The following MBNL2 variants were observed in gnomAD, a reference collection of about 807,000 sequenced individuals.
MBNL2 encodes the protein muscleblind-like protein 2.
A neutral mutation model predicts 41.9 loss-of-function variants in MBNL2; 17 were observed. The ratio of observed to expected loss-of-function variants is 0.41; its 90% CI spans 0.28 to 0.61. MBNL2 has a LOEUF of 0.61. Among genes scored for constraint, MBNL2 ranks in the 20% least tolerant of loss-of-function variants. MBNL2 has a pLI of 0.35. For synonymous variants in MBNL2, 195 were observed against 182.9 expected, an observed-to-expected ratio of 1.07 and a Z score of -0.53; for missense variants, 336 against 505.6, an observed-to-expected ratio of 0.66 and a Z score of 3.22.
chr13:97,276,107 A>C lies in MBNL2; in HGVS notation c.-129A>C. ...CATCCTGTTCCTTGGATTGGACTTC[A>C]CTAAGCAATTTATCACTCACCTTCA... On this transcript the variant is annotated 5_prime_UTR_variant, in exon 2 of 9. Transcript: ENST00000679496. 1 of 689,178 alleles carries C rather than the reference A, an allele frequency of 1.5e-6. No individual in the cohort carries two copies. The highest frequency in any genetic ancestry group is 2.6e-5 in the East Asian group (1 of 37,894). 42.7% of individuals were successfully genotyped at this position (689,178 alleles called of 1,614,324 possible). A position where few individuals can be genotyped will look rare whatever the true frequency, so the allele number is the denominator to read the frequency against.
rs576690398 is a variant in MBNL2, at chr13:97,245,467, C to T, written c.-605+22936C>T. Among the ~76,000 whole-genome samples, 7 of 152,164 alleles carry T rather than the reference C, an allele frequency of 4.6e-5. No homozygotes were observed. In the East Asian group the frequency reaches 5.8e-4, roughly 13 times the overall value. ...AAAGTCATCCCCCGTCTTCTCCCTA[C>T]GAAAGCGTAATAACTTTTATGTTGC... On this transcript the variant is annotated intron_variant, in intron 1 of 8. Coordinates refer to ENST00000679496, the MANE Select transcript of MBNL2 (RefSeq NM_001382683.1).
chr13:97,391,178 T>G (rs2066375932), intron 8 of MBNL2, 144 bp from the exon 9 acceptor site: 2 of 596,842 alleles, frequency 3.4e-6, no homozygotes, highest in African/African-American at 3.8e-5. Flanking sequence ...GCGGGTATTG[T>G]GCAAATTTAT....
At chr13:97,299,189 GTTTT>G (rs914472824) in intron 2 of MBNL2, among the ~76,000 whole-genome samples, 1 of 151,920 alleles carries the variant, frequency 6.6e-6, no homozygotes, top group African/African-American at 2.4e-5. Context: ...CACTTTTCTA[GTTTT>G]TTTTAACATT....
chr13:97,364,053 T>G (rs2063650057), intron 7 of MBNL2, among the ~76,000 whole-genome samples: 1 of 152,220 alleles, frequency 6.6e-6, no homozygotes, highest in East Asian at 1.9e-4. Flanking sequence ...ACCTTGTTTT[T>G]CATGGAACTG....
intron 2 of MBNL2, among the ~76,000 whole-genome samples, chr13:97,279,353 C>A (rs2052871754): frequency 6.6e-6 from 1 of 152,196 alleles, no homozygotes; most frequent in Non-Finnish European, 1.5e-5. Context: ...ATAATTCCTA[C>A]TTCATAAGGT....
chr13:97,161,153 G>T, the MBNL2 span, among the ~76,000 whole-genome samples: 87 of 152,258 alleles, frequency 5.7e-4, 1 homozygote, highest in Admixed American at 1.8e-3. Flanking sequence ...AAAAGCACTG[G>T]TTTGGATGTT....
chr13:97,305,905 G>A (rs554032029), intron 2 of MBNL2, among the ~76,000 whole-genome samples: 8 of 152,246 alleles, frequency 5.3e-5, no homozygotes, highest in Admixed American at 2.6e-4. Context: ...TAAGAGGAGC[G>A]GAACAGGGAG....
intron 2 of MBNL2, among the ~76,000 whole-genome samples, chr13:97,287,212 C>A (rs2054648789): frequency 6.6e-6 from 1 of 152,160 alleles, no homozygotes; most frequent in Non-Finnish European, 1.5e-5. Context: ...GAGACTTGCT[C>A]ACAGGTGTCA....
chr13:97,142,489 T>A, the MBNL2 span, among the ~76,000 whole-genome samples: 1 of 152,264 alleles, frequency 6.6e-6, no homozygotes, highest in Non-Finnish European at 1.5e-5. Context: ...TCTTAGGTCT[T>A]AGTTCATCAA....
the MBNL2 span, among the ~76,000 whole-genome samples, chr13:97,183,780 A>G: frequency 5.9e-5 from 9 of 152,198 alleles, no homozygotes; most frequent in Non-Finnish European, 7.3e-5. Flanking sequence ...TCTGATATTA[A>G]TAAAAGGGAG....
the MBNL2 span, among the ~76,000 whole-genome samples, chr13:97,209,094 C>A: frequency 6.6e-6 from 1 of 152,286 alleles, no homozygotes; most frequent in East Asian, 1.9e-4. Flanking sequence ...ATTCAAAATC[C>A]TTGAAAGACA....
chr13:97,155,059 T>C, the MBNL2 span, among the ~76,000 whole-genome samples: 1 of 152,152 alleles, frequency 6.6e-6, no homozygotes, highest in Non-Finnish European at 1.5e-5. Flanking sequence ...AATTGTGAGA[T>C]GAGCCCAAAC....
At chr13:97,185,550 A>C in the MBNL2 span, among the ~76,000 whole-genome samples, 1 of 152,318 alleles carries the variant, frequency 6.6e-6, no homozygotes, top group South Asian at 2.1e-4. Context: ...TAAGAGGGAG[A>C]TAAGAGGGTG....
At chr13:97,179,029 G>C in the MBNL2 span, among the ~76,000 whole-genome samples, 1 of 152,200 alleles carries the variant, frequency 6.6e-6, no homozygotes, top group African/African-American at 2.4e-5. Flanking sequence ...AATCACTTTG[G>C]TGAAAACAAA....
chr13:97,288,453 G>T (rs1158632088), intron 2 of MBNL2, among the ~76,000 whole-genome samples: 5 of 152,198 alleles, frequency 3.3e-5, no homozygotes, highest in Non-Finnish European at 7.3e-5. Context: ...GAAGGAAAGA[G>T]CCCAACCAGA....
intron 2 of MBNL2, among the ~76,000 whole-genome samples, chr13:97,300,154 G>A (rs567740126): frequency 6.6e-6 from 1 of 152,242 alleles, no homozygotes; most frequent in South Asian, 2.1e-4. Context: ...CCACCTTAGG[G>A]ACTGTACACA....
intron 1 of MBNL2, among the ~76,000 whole-genome samples, 151 bp from the exon 2 acceptor site, chr13:97,275,481 T>G (rs2052012769): frequency 6.6e-6 from 1 of 152,218 alleles, no homozygotes; most frequent in Non-Finnish European, 1.5e-5. Context: ...ATATTCTTTT[T>G]TTTATTTAAT....
intron 2 of MBNL2, among the ~76,000 whole-genome samples, chr13:97,289,535 A>C (rs1430171024): frequency 6.6e-6 from 1 of 152,226 alleles, no homozygotes; most frequent in East Asian, 1.9e-4. Context: ...TTAATGAAGA[A>C]TTCTAGTAGG....
chr13:97,357,804 T>A, intron 7 of MBNL2, 169 bp downstream of exon 7: 1 of 726,128 alleles, frequency 1.4e-6, no homozygotes, highest in South Asian at 1.5e-5. Flanking sequence ...GAATGATAGC[T>A]AAAGACTGTT....
Sources: gnomAD v4.1 joint callset for allele counts (sites outside exome capture counted in the v4.1 genomes callset) on GRCh38, gnomAD v4.1.1 for gene constraint, MANE v1.5 for transcripts, NCBI Gene and HGNC (gene_info 2026-07-23, HGNC 2026-07-21) for gene names.